The following MTSS1 variants were observed in gnomAD, a reference collection of about 807,000 sequenced individuals.
The protein encoded by MTSS1 is protein MTSS 1.
In MTSS1, 18 loss-of-function variants were observed where a neutral mutation model predicts 79.0. The ratio of observed to expected loss-of-function variants is 0.23; its 90% CI spans 0.16 to 0.34. MTSS1 has a LOEUF of 0.34. MTSS1 is among the 10% of genes least tolerant of loss of function. The pLI is 1.00. For synonymous variants in MTSS1, 341 were observed against 368.6 expected (o/e 0.93, Z 0.86); for missense variants, 815 against 986.2 (o/e 0.83, Z 2.33).
chr8:124,626,684 C>G (rs1183185347), intron 3 of MTSS1, among the ~76,000 whole-genome samples: 1 of 151,672 alleles, frequency 6.6e-6, no homozygotes, highest in Non-Finnish European at 1.5e-5. Context: ...TGAGGTGCAC[C>G]CGGTCATGGG....
At chr8:124,667,105 C>T (rs1823239218) in intron 3 of MTSS1, among the ~76,000 whole-genome samples, 1 of 152,030 alleles carries the variant, frequency 6.6e-6, no homozygotes, top group African/African-American at 2.4e-5. Context: ...ATGGCCACGC[C>T]CTGGGTTTCC....
At chr8:124,631,610 A>T (rs182095768) in intron 3 of MTSS1, among the ~76,000 whole-genome samples, 37 of 152,128 alleles carry the variant, frequency 2.4e-4, no homozygotes, top group African/African-American at 8.7e-4. Flanking sequence ...TGGCACTAAA[A>T]TTTCTCTGAT....
At chr8:124,710,809 A>G (rs1831054608) in intron 1 of MTSS1, among the ~76,000 whole-genome samples, 1 of 152,152 alleles carries the variant, frequency 6.6e-6, no homozygotes. Context: ...CACACAAGGA[A>G]CACAGGGGCC....
chr8:124,690,470 G>C (rs1237162675), intron 3 of MTSS1, among the ~76,000 whole-genome samples: 2 of 152,186 alleles, frequency 1.3e-5, no homozygotes, highest in African/African-American at 4.8e-5. Context: ...GTAAATGTGG[G>C]ATTCCGGTGA....
At chr8:124,654,063 C>T (rs951877495) in intron 3 of MTSS1, among the ~76,000 whole-genome samples, 5 of 152,172 alleles carry the variant, frequency 3.3e-5, no homozygotes, top group African/African-American at 4.8e-5. Context: ...TCCTGCTAGA[C>T]GGATGCTTCT....
intron 3 of MTSS1, among the ~76,000 whole-genome samples, chr8:124,650,715 C>G (rs7843950): frequency 6.6e-6 from 1 of 152,072 alleles, no homozygotes; most frequent in Non-Finnish European, 1.5e-5. Context: ...GCTGGTTTTA[C>G]GGTTGGGGAA....
At chr8:124,651,230 G>A (rs1400632395) in intron 3 of MTSS1, among the ~76,000 whole-genome samples, 1 of 152,152 alleles carries the variant, frequency 6.6e-6, no homozygotes, top group African/African-American at 2.4e-5. Flanking sequence ...AAAGCCCCAT[G>A]CAACAATGAC....
chr8:124,599,012 G>A (rs1447733257), intron 3 of MTSS1, among the ~76,000 whole-genome samples: 1 of 152,222 alleles, frequency 6.6e-6, no homozygotes, highest in East Asian at 1.9e-4. Flanking sequence ...TAAACAGCCA[G>A]CCCCAAAGTG....
intron 6 of MTSS1, among the ~76,000 whole-genome samples, chr8:124,573,103 C>T (rs868067538): frequency 8.5e-5 from 13 of 152,172 alleles, no homozygotes; most frequent in African/African-American, 3.1e-4. Context: ...TCCCATTGCT[C>T]GCAAGAAAAG....
chr8:124,653,247 T>G (rs955953716), intron 3 of MTSS1, among the ~76,000 whole-genome samples: 1 of 152,182 alleles, frequency 6.6e-6, no homozygotes, highest in African/African-American at 2.4e-5. Flanking sequence ...GGGTGACAAT[T>G]GGTTGGGGAC....
Position 124,589,683 on chromosome 8 carries a change from G to A in MTSS1, c.322C>T (p.Leu108Phe), listed in dbSNP as rs189046276. 1.2e-6 allele frequency: 2 copies of A among 1,613,232 alleles called. No homozygotes were observed. Among genetic ancestry groups the A allele is most frequent in the East Asian group, 2.2e-5 (1 of 44,824 alleles). The change falls in exon 5 of 14, where the codon CTT (leucine) becomes TTT (phenylalanine). Residue 108 changes from leucine to phenylalanine, a missense_variant. Leu to Phe is a conservative substitution (Grantham distance 22). Transcript: ENST00000518547. Reference protein sequence around the residue: ...SALIDCLINPLQEQMEEWKKV... With the variant: ...SALIDCLINPFQEQMEEWKKV... ...TTCCATTCTTCCATCTGTTCTTGAA[G>A]TGGGTTTATCAGACAATCAATTAAA... is the stretch of plus-strand genomic sequence containing the variant.
At chr8:124,717,644 A>T (rs1832281229) in intron 1 of MTSS1, among the ~76,000 whole-genome samples, 1 of 152,234 alleles carries the variant, frequency 6.6e-6, no homozygotes, top group Non-Finnish European at 1.5e-5. Flanking sequence ...CAGTGAGCTG[A>T]GATCGCGCCA....
At chr8:124,557,253 A>G (rs922664028) in intron 11 of MTSS1, among the ~76,000 whole-genome samples, 1 of 152,212 alleles carries the variant, frequency 6.6e-6, no homozygotes, top group African/African-American at 2.4e-5. Flanking sequence ...CATTAGGGAA[A>G]ATGGGAAACA....
chr8:124,595,550 ATCT>A (rs1475580120), intron 3 of MTSS1, among the ~76,000 whole-genome samples: 2 of 152,046 alleles, frequency 1.3e-5, no homozygotes, highest in African/African-American at 2.4e-5. Flanking sequence ...CTGTCCTTAC[ATCT>A]TCTCTCTCCG....
At chr8:124,602,207 A>ACAT in intron 3 of MTSS1, among the ~76,000 whole-genome samples, 1 of 142,242 alleles carries the variant, frequency 7.0e-6, no homozygotes, top group African/African-American at 2.7e-5. Context: ...ATATATATAT[A>ACAT]ATTTTTTTTT....
intron 3 of MTSS1, among the ~76,000 whole-genome samples, chr8:124,684,196 A>G (rs545215646): frequency 6.6e-6 from 1 of 152,314 alleles, no homozygotes; most frequent in East Asian, 1.9e-4. Context: ...GCCATTAAAA[A>G]CAATCTCTAA....
chr8:124,704,213 A>C, intron 1 of MTSS1, 22 bp from the exon 2 acceptor site: 1 of 1,607,590 alleles, frequency 6.2e-7, no homozygotes, highest in Non-Finnish European at 8.5e-7. Flanking sequence ...CAAAGACATC[A>C]GTAAGTCACA....
At chr8:124,563,074 G>C in intron 9 of MTSS1, 82 bp from the exon 10 acceptor site, 3 of 1,221,350 alleles carry the variant, frequency 2.5e-6, no homozygotes, top group Non-Finnish European at 3.5e-6. Context: ...AGGAAGGAGG[G>C]GAACAGATGA....
Position 124,661,323 on chromosome 8 carries a change from GT to G in MTSS1, c.208+38202del, listed in dbSNP as rs368747759. Among the ~76,000 whole-genome samples, 416 of 146,128 alleles carry G rather than the reference GT, an allele frequency of 2.8e-3. 3 individuals are homozygous for G. Among genetic ancestry groups the G allele is most frequent in the East Asian group, 0.024 (120 of 5,060 alleles). The stretch of plus-strand genomic sequence containing the variant: ...GACGTGTCCCTTTATTTTCTTCTAG[GT>G]TTTTTTTTTTTCTGTAAACTGATGA... On this transcript the variant is annotated intron_variant, in intron 3 of 13. Transcript: ENST00000518547.
Sources: gnomAD v4.1 joint callset for allele counts (sites outside exome capture counted in the v4.1 genomes callset) on GRCh38, gnomAD v4.1.1 for gene constraint, MANE v1.5 for transcripts, NCBI Gene and HGNC (gene_info 2026-07-23, HGNC 2026-07-21) for gene names.